The following NIBAN1 variants were observed in gnomAD, a reference collection of about 807,000 sequenced individuals.
NIBAN1 encodes niban apoptosis regulator 1.
In NIBAN1, 81 loss-of-function variants were observed where a neutral mutation model predicts 75.1. The ratio of observed to expected loss-of-function variants is 1.08; its 90% CI spans 0.90 to 1.30. The LOEUF is 1.30. Among genes scored for constraint, NIBAN1 ranks in the 50% most tolerant of loss-of-function variants. The pLI is 0.00. For missense variants in NIBAN1, 1,133 were observed against 1,128.1 expected, an observed-to-expected ratio of 1.00 and a Z score of -0.06; for synonymous variants, 436 against 424.8, an observed-to-expected ratio of 1.03 and a Z score of -0.32.
At chr1:184,953,371 G>A (rs902203027) in intron 1 of NIBAN1, among the ~76,000 whole-genome samples, 1 of 152,136 alleles carries the variant, frequency 6.6e-6, no homozygotes, top group Non-Finnish European at 1.5e-5. Flanking sequence ...TGTTTCTTAA[G>A]GGTTTAGTTG....
intron 1 of NIBAN1, among the ~76,000 whole-genome samples, chr1:184,961,858 C>T (rs1380279147): frequency 6.6e-6 from 1 of 152,222 alleles, no homozygotes; most frequent in Non-Finnish European, 1.5e-5. Context: ...TCTTTTTAGC[C>T]TCTAGGACAT....
chr1:184,800,508 T>G (rs1654008200), intron 12 of NIBAN1, among the ~76,000 whole-genome samples: 3 of 151,420 alleles, frequency 2.0e-5, no homozygotes. Context: ...GGTCTAACAT[T>G]TAAGTCTTTA....
chr1:184,832,660 T>G (rs1270433752), intron 5 of NIBAN1, among the ~76,000 whole-genome samples: 1 of 152,204 alleles, frequency 6.6e-6, no homozygotes, highest in African/African-American at 2.4e-5. Context: ...AGCTTGCCTC[T>G]AACCATGATG....
At chr1:184,970,944 G>C (rs575122258) in intron 1 of NIBAN1, among the ~76,000 whole-genome samples, 1 of 152,102 alleles carries the variant, frequency 6.6e-6, no homozygotes, top group East Asian at 1.9e-4. Context: ...GTTTTGTTTT[G>C]GGGTTTTTTT....
rs147058944 is a variant in NIBAN1, at chr1:184,891,316, A to G, written c.319-1094T>C. Among the ~76,000 whole-genome samples the G allele has an allele frequency of 1.6e-3, 241 of 152,282 alleles. 1 individual carries two copies. The highest frequency in any genetic ancestry group is 5.6e-3 in the African/African-American group (234 of 41,556). ...GATTAACCCAGGAAGGAGGATCTAT[A>G]CATAATTGAGGGCTCCCCATGAAAT... On this transcript the variant is annotated intron_variant, in intron 3 of 13. Coordinates refer to ENST00000367511, the MANE Select transcript of NIBAN1 (RefSeq NM_052966.4).
intron 9 of NIBAN1, among the ~76,000 whole-genome samples, chr1:184,814,514 A>T (rs1654472339): frequency 6.6e-6 from 1 of 152,232 alleles, no homozygotes. Flanking sequence ...GGAGACAGTC[A>T]GTTGGCCTCA....
intron 12 of NIBAN1, among the ~76,000 whole-genome samples, chr1:184,799,935 C>T (rs1217786156): frequency 1.0e-5 from 1 of 97,450 alleles, no homozygotes; most frequent in Non-Finnish European, 1.9e-5. Flanking sequence ...TTAGTAGAGA[C>T]GGGGTTTCAC....
rs150368355 is a variant in NIBAN1, at chr1:184,811,906, C to G, written c.1174-3671G>C. Among the ~76,000 whole-genome samples, 22 of 152,274 alleles carry G rather than the reference C, an allele frequency of 1.4e-4. No individual in the cohort carries two copies. In the East Asian group the frequency reaches 4.1e-3, roughly 28 times the overall value. On this transcript the variant is annotated intron_variant, in intron 9 of 13. Coordinates refer to ENST00000367511, the MANE Select transcript of NIBAN1 (RefSeq NM_052966.4). ...TCCCTTTGGAATAATCTGACTTGCA[C>G]TCTTTGCTGATGGCTGTGGGTGACA...
intron 1 of NIBAN1, among the ~76,000 whole-genome samples, chr1:184,965,115 C>T (rs1658746718): frequency 6.6e-6 from 1 of 152,038 alleles, no homozygotes; most frequent in Non-Finnish European, 1.5e-5. Flanking sequence ...CTGGCTGACA[C>T]GGTGAAACCC....
intron 7 of NIBAN1, 130 bp from the exon 8 acceptor site, chr1:184,823,459 T>C (rs1385894788): frequency 1.0e-5 from 14 of 1,362,758 alleles, no homozygotes; most frequent in Non-Finnish European, 1.0e-6. Flanking sequence ...TAATTTTTCT[T>C]TCAAAGTTGG....
At chr1:184,867,659 G>A (rs1366877214) in intron 5 of NIBAN1, among the ~76,000 whole-genome samples, 1 of 152,172 alleles carries the variant, frequency 6.6e-6, no homozygotes, top group Non-Finnish European at 1.5e-5. Flanking sequence ...GATGGAATGA[G>A]GCAAAATGAT....
intron 5 of NIBAN1, among the ~76,000 whole-genome samples, chr1:184,839,315 T>G (rs1319298372): frequency 3.9e-5 from 6 of 152,236 alleles, no homozygotes; most frequent in African/African-American, 1.2e-4. Flanking sequence ...GAGATAATTT[T>G]AGATTATCTC....
At chr1:184,938,617 G>A (rs988242163) in intron 1 of NIBAN1, among the ~76,000 whole-genome samples, 3 of 152,012 alleles carry the variant, frequency 2.0e-5, no homozygotes, top group African/African-American at 7.2e-5. Flanking sequence ...TCAAGTGATT[G>A]TTTTGACATC....
At chr1:184,904,959 C>T (rs1657053313) in intron 1 of NIBAN1, among the ~76,000 whole-genome samples, 1 of 151,820 alleles carries the variant, frequency 6.6e-6, no homozygotes, top group African/African-American at 2.4e-5. Flanking sequence ...AAAAAAAATT[C>T]TCTGTATCTA....
chr1:184,906,179 G>C (rs891370039), intron 1 of NIBAN1, among the ~76,000 whole-genome samples: 5 of 151,904 alleles, frequency 3.3e-5, no homozygotes, highest in Non-Finnish European at 7.4e-5. Context: ...TATTGCTTGA[G>C]CCCAGGAATT....
intron 5 of NIBAN1, chr1:184,868,217 C>T (rs1413160721): frequency 2.2e-5 from 5 of 224,112 alleles, no homozygotes; most frequent in Non-Finnish European, 3.7e-5. Flanking sequence ...TGTTGACTTG[C>T]AATATGATTT....
rs202216870 is a variant in NIBAN1 at position 184,818,697 on chromosome 1, C to A, written c.1114G>T (p.Glu372Ter). 3.9e-5 allele frequency: 63 copies of A among 1,612,826 alleles called. No individual in the cohort carries two copies. The highest frequency in any genetic ancestry group is 3.2e-5 in the Non-Finnish European group (38 of 1,178,964). The stretch of plus-strand genomic sequence containing the variant: ...AAGTTCTGGCTGACTTCATTCACCT[C>A]TTTCTCAAAGAGTACACGTACTTCA... ...FSEVRVLFEK[E>*]VNEVSQNFQT... Residue 372 changes from glutamate to a stop codon, truncating the protein, a stop_gained, in exon 9 of 14, where the codon GAG becomes TAG. Coordinates refer to ENST00000367511, the MANE Select transcript of NIBAN1 (RefSeq NM_052966.4). LOFTEE classifies it high-confidence loss of function.
intron 11 of NIBAN1, among the ~76,000 whole-genome samples, chr1:184,804,053 C>T (rs1302424941): frequency 6.6e-6 from 1 of 152,220 alleles, no homozygotes; most frequent in Non-Finnish European, 1.5e-5. Flanking sequence ...TACTCCACAT[C>T]TTCAAACCAG....
rs1654751213 is a variant in NIBAN1 at position 184,823,221 on chromosome 1, A to C, written c.931T>G (p.Ser311Ala). The change falls in exon 8 of 14, where the codon TCT becomes GCT. Residue 311 changes from serine to alanine, a missense_variant. Transcript: ENST00000367511. ...LTKGLEGTIR[S>A]DMDQIVNSKN... ...GAGTTCACAATCTGATCCATGTCAG[A>C]ACGGATCGTTCCTTCCAGGCCCTTT... 1.9e-6 allele frequency: 3 copies of C among 1,614,250 alleles called. No homozygotes were observed. The highest frequency in any genetic ancestry group is 2.7e-5 in the African/African-American group (2 of 75,064).
Sources: allele counts gnomAD v4.1 joint callset (sites outside exome capture counted in the v4.1 genomes callset), GRCh38; gene constraint gnomAD v4.1.1; transcripts MANE v1.5; gene names NCBI Gene and HGNC (gene_info 2026-07-23, HGNC 2026-07-21).